GRIN2A: variants seen among roughly 807,000 people sequenced by gnomAD.
GRIN2A encodes the protein glutamate receptor ionotropic, NMDA 2A.
A neutral mutation model predicts 113.4 loss-of-function variants in GRIN2A; 22 were observed. That is an observed-to-expected ratio of 0.19 (90% CI 0.14 to 0.28). The LOEUF (loss-of-function observed/expected upper bound fraction) is 0.28, where lower values mean the gene tolerates loss of function less well. Among genes scored for constraint, GRIN2A ranks in the 10% least tolerant of loss-of-function variants. The pLI, the probability that GRIN2A is intolerant of heterozygous loss-of-function variation, is 1.00. For synonymous variants in GRIN2A, 827 were observed against 738.4 expected (o/e 1.12, Z -1.94); for missense variants, 1,502 against 1,887.0 (o/e 0.80, Z 3.78).
At chr16:10,165,893 A>G (rs1180915583) in intron 2 of GRIN2A, among the ~76,000 whole-genome samples, 2 of 152,152 alleles carry the variant, frequency 1.3e-5, no homozygotes, top group African/African-American at 4.8e-5. Context: ...GTTTTTAACT[A>G]AAGTGCAAAT....
In GRIN2A at chr16:9,940,242, T is replaced by G. The variant is rs563578500; in HGVS notation, c.415-1691A>C. Among the ~76,000 whole-genome samples, 7 of 152,248 alleles carry G rather than the reference T, an allele frequency of 4.6e-5. No homozygotes were observed. The East Asian group carries it at 5.8e-4, about 13-fold the overall frequency. On this transcript the variant is annotated intron_variant, in intron 2 of 12. Transcript: ENST00000330684. The stretch of plus-strand genomic sequence containing the variant: ...ATAGTTCTTCGAAATACTGCTCTTT[T>G]CTGAAATGCATGGGTTTGGGGGATA...
chr16:9,895,139 A>G (rs1285181628), intron 3 of GRIN2A, among the ~76,000 whole-genome samples: 1 of 152,208 alleles, frequency 6.6e-6, no homozygotes, highest in Non-Finnish European at 1.5e-5. Context: ...AAATAACTAT[A>G]ACGAAGAACA....
chr16:9,968,849 C>T (rs546532768), intron 2 of GRIN2A, among the ~76,000 whole-genome samples: 47 of 152,198 alleles, frequency 3.1e-4, no homozygotes, highest in African/African-American at 8.4e-4. Context: ...TCAGGTGATC[C>T]GCCCGCCTCA....
At chr16:9,930,320 A>G (rs891928662) in intron 3 of GRIN2A, among the ~76,000 whole-genome samples, 11 of 152,298 alleles carry the variant, frequency 7.2e-5, no homozygotes, top group African/African-American at 2.6e-4. Flanking sequence ...TCTGTTTACA[A>G]TCAAGGAAAT....
chr16:10,036,449 C>CTTT (rs369821921), intron 2 of GRIN2A, among the ~76,000 whole-genome samples: 12 of 46,010 alleles, frequency 2.6e-4, no homozygotes, highest in Non-Finnish European at 4.1e-4. Flanking sequence ...TTTTTTTTTT[C>CTTT]TTTTTTTTTT....
chr16:9,853,119 G>C (rs74729488), intron 4 of GRIN2A, among the ~76,000 whole-genome samples: 10,141 of 152,234 alleles, frequency 0.067, 525 homozygotes, highest in Non-Finnish European at 0.095. Flanking sequence ...TGGAAATTCA[G>C]GATGAGTTGC....
At chr16:9,933,634 C>G (rs1166204661) in intron 3 of GRIN2A, among the ~76,000 whole-genome samples, 1 of 152,206 alleles carries the variant, frequency 6.6e-6, no homozygotes, top group Non-Finnish European at 1.5e-5. Flanking sequence ...ACTCCTAACT[C>G]CAGAGTCCTG....
chr16:10,057,527 C>A (rs2047477206), intron 2 of GRIN2A, among the ~76,000 whole-genome samples: 1 of 151,908 alleles, frequency 6.6e-6, no homozygotes, highest in African/African-American at 2.4e-5. Context: ...GAAAAAAATA[C>A]AGCTCTACAA....
At chr16:9,855,946 C>G (rs1046878620) in intron 4 of GRIN2A, among the ~76,000 whole-genome samples, 2 of 152,278 alleles carry the variant, frequency 1.3e-5, no homozygotes, top group South Asian at 4.2e-4. Flanking sequence ...CTGGCTCTTC[C>G]TCATTCTCTA....
At chr16:10,144,561 T>C (rs1466728327) in intron 2 of GRIN2A, among the ~76,000 whole-genome samples, 1 of 152,246 alleles carries the variant, frequency 6.6e-6, no homozygotes, top group Non-Finnish European at 1.5e-5. Context: ...TTTTGGATAT[T>C]AGCCCCTTAT....
chr16:9,989,906 GAA>G (rs2046067557), intron 2 of GRIN2A, among the ~76,000 whole-genome samples: 1 of 152,178 alleles, frequency 6.6e-6, no homozygotes, highest in South Asian at 2.1e-4. Context: ...AGGTTGCAGA[GAA>G]AAGGGATATT....
intron 2 of GRIN2A, among the ~76,000 whole-genome samples, chr16:10,018,971 C>A (rs1383819205): frequency 1.3e-5 from 2 of 151,868 alleles, no homozygotes; most frequent in African/African-American, 4.8e-5. Context: ...CAAGTTCCCC[C>A]AAACCTCAAG....
intron 2 of GRIN2A, 149 bp from the exon 3 acceptor site, chr16:9,938,700 C>G: frequency 1.5e-6 from 1 of 680,556 alleles, no homozygotes; most frequent in South Asian, 1.6e-5. Context: ...GACTCCAGAA[C>G]AGATCCTGCA....
Position 9,754,471 on chromosome 16 carries a change from T to A in GRIN2A, c.*8678A>T, listed in dbSNP as rs1264835953. On this transcript the variant is annotated 3_prime_UTR_variant, in exon 13 of 13. Transcript: ENST00000330684. Reference sequence around the variant, plus strand: ...TTCCCAGTGAAAAATTTGGGGAACATGAATGTTAAAAGTTCCACTTTCATC... The same window carrying A: ...TTCCCAGTGAAAAATTTGGGGAACAAGAATGTTAAAAGTTCCACTTTCATC... 1 of 210,148 alleles carries A rather than the reference T, an allele frequency of 4.8e-6. No homozygotes were observed. Among genetic ancestry groups the A allele is most frequent in the Non-Finnish European group, 9.7e-6 (1 of 103,536 alleles). 13.0% of individuals were successfully genotyped at this position (210,148 alleles called of 1,614,324 possible).
chr16:10,140,421 G>T (rs2049301947), intron 2 of GRIN2A, among the ~76,000 whole-genome samples: 1 of 152,086 alleles, frequency 6.6e-6, no homozygotes. Context: ...CACATCCAGG[G>T]TCGGAGTGAT....
At chr16:10,008,676 A>AT (rs1318994076) in intron 2 of GRIN2A, among the ~76,000 whole-genome samples, 2 of 152,212 alleles carry the variant, frequency 1.3e-5, no homozygotes, top group Non-Finnish European at 1.5e-5. Context: ...TGTTCAAGGC[A>AT]TTTTTTGCAT....
intron 1 of GRIN2A, 187 bp downstream of exon 1, chr16:10,181,690 G>A (rs1369259972): frequency 2.0e-5 from 3 of 152,462 alleles, no homozygotes; most frequent in African/African-American, 4.8e-5. Context: ...AAGAGGCCTC[G>A]ACGTTCCTGG....
chr16:9,771,801 A>G lies in GRIN2A; in HGVS notation c.2357-2712T>C, dbSNP rs1402563801. On this transcript the variant is annotated intron_variant, in intron 11 of 12. Transcript: ENST00000330684. ...GAATTTTCAATGTATGAGTTTTTGT[A>G]TGGAAAAATTTTTACTTTGATTACT... Among the ~76,000 whole-genome samples, 6 of 152,256 alleles carry G rather than the reference A, an allele frequency of 3.9e-5. No individual in the cohort carries two copies. The East Asian group carries it at 1.2e-3, about 29-fold the overall frequency.
At chr16:9,919,006 C>G (rs1285758563) in intron 3 of GRIN2A, among the ~76,000 whole-genome samples, 1 of 151,974 alleles carries the variant, frequency 6.6e-6, no homozygotes, top group African/African-American at 2.4e-5. Context: ...AACCTGGTCT[C>G]TACTAAAAAT....
Sources: gnomAD v4.1 joint callset for allele counts (sites outside exome capture counted in the v4.1 genomes callset) on GRCh38, gnomAD v4.1.1 for gene constraint, MANE v1.5 for transcripts, NCBI Gene and HGNC (gene_info 2026-07-23, HGNC 2026-07-21) for gene names.